STX18: variants seen among roughly 807,000 people sequenced by gnomAD.
STX18 encodes syntaxin-18.
Under a neutral mutation model 50.1 loss-of-function variants are expected in STX18, and 40 were observed. That is an observed-to-expected ratio of 0.80 (90% CI 0.62 to 1.04). The LOEUF (loss-of-function observed/expected upper bound fraction) is 1.04. Ranked by LOEUF, STX18 falls within the 50% of genes least tolerant of loss-of-function variation. The probability of loss-of-function intolerance (pLI) is 0.00; values close to 1 mark genes in which losing one functional copy is unlikely to be tolerated. For missense variants in STX18, 410 were observed against 415.8 expected, an observed-to-expected ratio of 0.99 and a Z score of 0.12; for synonymous variants, 158 against 151.8, an observed-to-expected ratio of 1.04 and a Z score of -0.30.
At chr4:4,492,331 A>T (rs190929142) in intron 1 of STX18, among the ~76,000 whole-genome samples, 1 of 152,286 alleles carries the variant, frequency 6.6e-6, no homozygotes, top group East Asian at 1.9e-4. Flanking sequence ...GTGATAAATG[A>T]ATCACGCACA....
At chr4:4,463,222 C>A (rs1727469951) in intron 2 of STX18, among the ~76,000 whole-genome samples, 1 of 152,188 alleles carries the variant, frequency 6.6e-6, no homozygotes, top group African/African-American at 2.4e-5. Context: ...CCCATCACAG[C>A]TACTCAACTC....
At chr4:4,426,078 T>C (rs1033026641) in intron 7 of STX18, 4 of 152,186 alleles carry the variant, frequency 2.6e-5, no homozygotes, top group Admixed American at 2.6e-4. Context: ...GCCCCACTTC[T>C]CCAGGACACC....
At chr4:4,524,612 G>C (rs1343877419) in intron 1 of STX18, among the ~76,000 whole-genome samples, 2 of 152,260 alleles carry the variant, frequency 1.3e-5, no homozygotes, top group African/African-American at 2.4e-5. Flanking sequence ...AAGGGCGTTA[G>C]AGGCGCCTTA....
intron 1 of STX18, among the ~76,000 whole-genome samples, chr4:4,540,445 C>T (rs1224455179): frequency 6.6e-6 from 1 of 152,226 alleles, no homozygotes; most frequent in Non-Finnish European, 1.5e-5. Flanking sequence ...CCTACCTCCA[C>T]AGCTTAGCGC....
chr4:4,473,911 G>C (rs998230712), intron 1 of STX18, among the ~76,000 whole-genome samples: 1 of 152,186 alleles, frequency 6.6e-6, no homozygotes, highest in Non-Finnish European at 1.5e-5. Flanking sequence ...GAAAGCCAAT[G>C]AGTCATCTCA....
intron 1 of STX18, among the ~76,000 whole-genome samples, chr4:4,506,642 C>A (rs1178687873): frequency 6.6e-6 from 1 of 152,106 alleles, no homozygotes; most frequent in Non-Finnish European, 1.5e-5. Flanking sequence ...CAAGACCCCC[C>A]GTGGATGCCT....
chr4:4,442,216 C>T (rs1046241752), intron 5 of STX18, among the ~76,000 whole-genome samples: 5 of 152,006 alleles, frequency 3.3e-5, no homozygotes, highest in African/African-American at 1.2e-4. Context: ...CTGGGATAAT[C>T]GGTAGTTATA....
At position 4,419,816 on chromosome 4, in the gene STX18, G is replaced by A; in HGVS notation, c.*218C>T. On this transcript the variant is annotated 3_prime_UTR_variant, in exon 11 of 11. Coordinates refer to ENST00000306200, the MANE Select transcript of STX18 (RefSeq NM_016930.4). ...AGGGCTACGCAGGCTGCCTCCCATT[G>A]GTGTGCACTGTTTCCTTTTTCAGCT... 1.9e-6 allele frequency: 1 copy of A among 515,238 alleles called. No homozygotes were observed. The highest frequency in any genetic ancestry group is 3.5e-6 in the Non-Finnish European group (1 of 284,644). 31.9% of individuals were successfully genotyped at this position (515,238 alleles called of 1,614,324 possible).
chr4:4,541,815 G>A lies in STX18; in HGVS notation c.150C>T (p.Ser50=), dbSNP rs752182312. The change falls in exon 1 of 11, where the codon TCC becomes TCT. Residue 50 remains serine (S), a synonymous_variant. Coordinates refer to ENST00000306200, the MANE Select transcript of STX18 (RefSeq NM_016930.4). ...RRSPRPKGDF[S]SRAREVISHI... is the part of the protein sequence containing the mutation. ...AGCTCACCACTTCGCGGGCCCGGCT[G>A]GAGAAGTCGCCCTTGGGCCGGGGGC... The A allele has an allele frequency of 6.2e-7, 1 of 1,610,098 alleles. No homozygotes were observed. The highest frequency in any genetic ancestry group is 8.5e-7 in the Non-Finnish European group (1 of 1,178,286).
chr4:4,436,832 T>A (rs1398448871), intron 6 of STX18, among the ~76,000 whole-genome samples: 2 of 152,222 alleles, frequency 1.3e-5, no homozygotes, highest in East Asian at 3.9e-4. Context: ...GGGTCTTCTT[T>A]ACTGACTATA....
rs987122320 is a variant in STX18 at position 4,437,579 on chromosome 4, C to A, written c.613+815G>T. Reference sequence around the variant, plus strand: ...GCATTTCAGATAAGAGATACTCAACCTGTAATTTCTGTGACATGTCCAGGA... The same window carrying A: ...GCATTTCAGATAAGAGATACTCAACATGTAATTTCTGTGACATGTCCAGGA... On this transcript the variant is annotated intron_variant, in intron 6 of 10. Coordinates refer to ENST00000306200, the MANE Select transcript of STX18 (RefSeq NM_016930.4). The A allele has an allele frequency of 7.1e-6, 7 of 982,522 alleles. No homozygotes were observed. In the African/African-American group the frequency reaches 1.0e-4, roughly 15 times the overall value. 60.9% of individuals were successfully genotyped at this position (982,522 alleles called of 1,614,324 possible).
intron 9 of STX18, among the ~76,000 whole-genome samples, chr4:4,422,717 G>A (rs1284499416): frequency 6.6e-6 from 1 of 152,184 alleles, no homozygotes; most frequent in African/African-American, 2.4e-5. Flanking sequence ...TATTAAAAAG[G>A]GCGACTCCTA....
At chr4:4,542,215 G>C (rs915668709), upstream of STX18, 1 of 461,472 alleles carries the variant, frequency 2.2e-6, no homozygotes, top group Non-Finnish European at 3.8e-6. Flanking sequence ...TCCCAGCAAA[G>C]CTTGGAGGGT....
intron 3 of STX18, among the ~76,000 whole-genome samples, chr4:4,457,859 C>T (rs943437075): frequency 5.3e-5 from 8 of 152,216 alleles, no homozygotes; most frequent in Non-Finnish European, 8.8e-5. Flanking sequence ...ACACACTCCT[C>T]CCTGCTTGAA....
intron 1 of STX18, among the ~76,000 whole-genome samples, chr4:4,497,444 G>T (rs950693907): frequency 2.0e-5 from 3 of 152,202 alleles, no homozygotes; most frequent in African/African-American, 7.2e-5. Context: ...AAACAGCAAT[G>T]AATTAACTAA....
intron 9 of STX18, 70 bp from the exon 10 acceptor site, chr4:4,421,014 C>G: frequency 7.0e-7 from 1 of 1,437,194 alleles, no homozygotes. Flanking sequence ...AATGCTCCAA[C>G]GAGCATTTCC....
intron 9 of STX18, 128 bp from the exon 10 acceptor site, chr4:4,421,072 T>A: frequency 1.1e-6 from 1 of 871,246 alleles, no homozygotes; most frequent in Non-Finnish European, 1.8e-6. Flanking sequence ...TTGGAGCACT[T>A]AGGACTTCAC....
intron 1 of STX18, among the ~76,000 whole-genome samples, chr4:4,471,917 T>C (rs1243688825): frequency 6.6e-6 from 1 of 152,236 alleles, no homozygotes. Context: ...CTCTAATTAT[T>C]AGGACCTATG....
At chr4:4,520,158 A>G (rs1190121543) in intron 1 of STX18, among the ~76,000 whole-genome samples, 1 of 152,210 alleles carries the variant, frequency 6.6e-6, no homozygotes, top group African/African-American at 2.4e-5. Context: ...GATACATTTT[A>G]TTGCTTTTCA....
Sources: allele counts gnomAD v4.1 joint callset (sites outside exome capture counted in the v4.1 genomes callset), GRCh38; gene constraint gnomAD v4.1.1; transcripts MANE v1.5; gene names NCBI Gene and HGNC (gene_info 2026-07-23, HGNC 2026-07-21).